The following PTPRD variants were observed in gnomAD, a reference collection of about 807,000 sequenced individuals.
PTPRD encodes the protein receptor-type tyrosine-protein phosphatase delta.
PTPRD carries 34 observed loss-of-function variants against 214.5 expected under a neutral mutation model. That is an observed-to-expected ratio of 0.16 (90% confidence interval 0.12 to 0.21). The LOEUF is 0.21. PTPRD is among the 10% of genes least tolerant of loss of function. The pLI, the probability that PTPRD is intolerant of heterozygous loss-of-function variation, is 1.00. For synonymous variants in PTPRD, 1,128 were observed against 845.7 expected, an observed-to-expected ratio of 1.33 and a Z score of -5.79; for missense variants, 2,545 against 2,398.7, an observed-to-expected ratio of 1.06 and a Z score of -1.27.
chr9:8,485,410 CT>C, intron 28 of PTPRD, 86 bp from the exon 29 acceptor site: 1 of 882,996 alleles, frequency 1.1e-6, no homozygotes. Flanking sequence ...GGGGCTTATG[CT>C]AGATGCTGTC....
chr9:9,437,959 G>T (rs1030397562), intron 8 of PTPRD, among the ~76,000 whole-genome samples: 2 of 152,138 alleles, frequency 1.3e-5, no homozygotes, highest in Admixed American at 6.5e-5. Flanking sequence ...TTGAAATTGC[G>T]GTGTCTGCAG....
chr9:8,843,546 T>C (rs940088649), intron 11 of PTPRD, among the ~76,000 whole-genome samples: 28 of 152,234 alleles, frequency 1.8e-4, no homozygotes, highest in Admixed American at 1.8e-3. Context: ...ACTAGCTACA[T>C]GTGGTTATTA....
chr9:9,393,757 A>T (rs2066724319), intron 9 of PTPRD, among the ~76,000 whole-genome samples: 1 of 152,150 alleles, frequency 6.6e-6, no homozygotes, highest in South Asian at 2.1e-4. Context: ...ATACACTGTT[A>T]TTTCCACAAG....
intron 11 of PTPRD, among the ~76,000 whole-genome samples, chr9:8,833,984 T>C (rs562863275): frequency 1.3e-5 from 2 of 151,306 alleles, no homozygotes; most frequent in South Asian, 4.2e-4. Flanking sequence ...GGTAGACATT[T>C]AGTAGAATTC....
chr9:10,288,388 C>A (rs372626857), intron 3 of PTPRD, among the ~76,000 whole-genome samples: 6 of 151,842 alleles, frequency 4.0e-5, no homozygotes, highest in African/African-American at 1.5e-4. Flanking sequence ...ATACCATTGC[C>A]CATTCTCAAA....
intron 6 of PTPRD, among the ~76,000 whole-genome samples, chr9:9,761,466 A>G (rs1353020678): frequency 6.6e-6 from 1 of 152,160 alleles, no homozygotes; most frequent in Non-Finnish European, 1.5e-5. Context: ...GGAACTATTC[A>G]ATGTCTTGAC....
At chr9:9,533,286 T>C (rs898442495) in intron 8 of PTPRD, among the ~76,000 whole-genome samples, 1 of 152,118 alleles carries the variant, frequency 6.6e-6, no homozygotes, top group Non-Finnish European at 1.5e-5. Context: ...TTCTTAATGG[T>C]TCCAGTGATG....
At chr9:10,135,645 G>A (rs1725641240) in intron 3 of PTPRD, among the ~76,000 whole-genome samples, 1 of 151,986 alleles carries the variant, frequency 6.6e-6, no homozygotes, top group Non-Finnish European at 1.5e-5. Flanking sequence ...CACAAGTGAA[G>A]AAGAAATAAA....
chr9:9,908,845 A>T (rs1419658747), intron 5 of PTPRD, among the ~76,000 whole-genome samples: 1 of 151,990 alleles, frequency 6.6e-6, no homozygotes, highest in Admixed American at 6.6e-5. Flanking sequence ...AAGAATAAAA[A>T]TATTATTGTC....
intron 10 of PTPRD, among the ~76,000 whole-genome samples, chr9:9,092,663 C>T (rs2099777938): frequency 6.6e-6 from 1 of 151,856 alleles, no homozygotes; most frequent in African/African-American, 2.4e-5. Flanking sequence ...TAGGACAAAT[C>T]CACAGTTGAC....
chr9:8,405,516 T>C (rs1445165639), intron 35 of PTPRD, among the ~76,000 whole-genome samples: 1 of 152,104 alleles, frequency 6.6e-6, no homozygotes, highest in Non-Finnish European at 1.5e-5. Flanking sequence ...AGTAGAATCA[T>C]CATTTCAAGA....
chr9:8,631,994 T>A lies in PTPRD; in HGVS notation c.352+1323A>T, dbSNP rs16928225. Among the ~76,000 whole-genome samples the A allele has an allele frequency of 6.8e-4, 104 of 152,010 alleles. No individual in the cohort carries two copies. In the South Asian group the frequency reaches 0.019, roughly 27 times the overall value. ...TTTAAAGCAGCATCTGTTACATGCA[T>A]TTAAAAGATATACATCCAATTGTCA... On this transcript the variant is annotated intron_variant, in intron 14 of 45. Coordinates refer to ENST00000381196, the MANE Select transcript of PTPRD (RefSeq NM_002839.4).
chr9:9,611,701 T>G (rs1283308771), intron 7 of PTPRD, among the ~76,000 whole-genome samples: 2 of 152,144 alleles, frequency 1.3e-5, no homozygotes. Context: ...TGTATATATA[T>G]TTATATATAG....
At chr9:10,364,157 G>A (rs2097463345) in intron 2 of PTPRD, among the ~76,000 whole-genome samples, 1 of 151,518 alleles carries the variant, frequency 6.6e-6, no homozygotes, top group African/African-American at 2.4e-5. Flanking sequence ...CCGCCACCAT[G>A]CCCGGATAAT....
intron 3 of PTPRD, among the ~76,000 whole-genome samples, chr9:10,109,529 C>A (rs2098670645): frequency 6.6e-6 from 1 of 152,154 alleles, no homozygotes; most frequent in African/African-American, 2.4e-5. Context: ...AGTTTGGGAA[C>A]CATAAACCAG....
chr9:9,464,162 T>C (rs1436186586), intron 8 of PTPRD, among the ~76,000 whole-genome samples: 4 of 152,198 alleles, frequency 2.6e-5, no homozygotes, highest in Non-Finnish European at 5.9e-5. Context: ...ACTCATTGTC[T>C]AGATGATTTG....
At chr9:9,658,078 C>T (rs2096555010) in intron 7 of PTPRD, among the ~76,000 whole-genome samples, 1 of 152,082 alleles carries the variant, frequency 6.6e-6, no homozygotes. Context: ...CACAATGATT[C>T]TTCTATGTAT....
At chr9:9,961,539 A>G (rs2094364120) in intron 4 of PTPRD, among the ~76,000 whole-genome samples, 2 of 152,186 alleles carry the variant, frequency 1.3e-5, no homozygotes, top group Admixed American at 1.3e-4. Context: ...GGAGCTGGCT[A>G]TATAGCAATT....
chr9:8,728,937 A>G (rs2154430506), intron 12 of PTPRD, among the ~76,000 whole-genome samples: 1 of 152,232 alleles, frequency 6.6e-6, no homozygotes, highest in Non-Finnish European at 1.5e-5. Flanking sequence ...CCAAGATCAC[A>G]CCACTGCACT....
Sources: gnomAD v4.1 joint callset for allele counts (sites outside exome capture counted in the v4.1 genomes callset) on GRCh38, gnomAD v4.1.1 for gene constraint, MANE v1.5 for transcripts, NCBI Gene and HGNC (gene_info 2026-07-23, HGNC 2026-07-21) for gene names.